LMO2: variants seen among roughly 807,000 people sequenced by gnomAD.
The protein encoded by LMO2 is rhombotin-2.
A neutral mutation model predicts 23.2 loss-of-function variants in LMO2; 20 were observed. The observed-to-expected ratio is 0.86, with a 90% CI of 0.61 to 1.25. The LOEUF is 1.25. Among genes scored for constraint, LMO2 ranks in the 50% most tolerant of loss-of-function variants. LMO2 has a pLI of 0.00. For missense variants in LMO2, 270 were observed against 315.3 expected (o/e 0.86, Z 1.09); for synonymous variants, 123 against 130.2 (o/e 0.94, Z 0.38).
chr11:33,887,729 T>C (rs1284145545), intron 1 of LMO2, among the ~76,000 whole-genome samples: 6 of 152,014 alleles, frequency 3.9e-5, no homozygotes, highest in Non-Finnish European at 8.8e-5. Context: ...TGTTTTGTTT[T>C]TTGTTTGTTT....
Position 33,859,373 on chromosome 11 carries a change from T to C in LMO2, c.667A>G (p.Ile223Val), listed in dbSNP as rs1048794349. The change falls in exon 6 of 6, where the codon ATC becomes GTC. Residue 223 changes from isoleucine to valine, a missense_variant. Ile to Val is a conservative substitution (Grantham distance 29, BLOSUM62 3). Coordinates refer to ENST00000257818, the MANE Select transcript of LMO2 (RefSeq NM_005574.4). ...ACTCGGGCCTATATCATCCCATTGA[T>C]CTTAGTCCACTCGTAGATGTCCTGT... The part of the protein sequence containing the change: ...CEQDIYEWTK[I>V]NGMI 4.3e-6 allele frequency: 7 copies of C among 1,613,692 alleles called. No individual in the cohort carries two copies. Among genetic ancestry groups the C allele is most frequent in the South Asian group, 1.1e-5 (1 of 91,070 alleles).
intron 1 of LMO2, among the ~76,000 whole-genome samples, chr11:33,884,503 C>A (rs895004480): frequency 6.6e-6 from 1 of 152,286 alleles, no homozygotes; most frequent in South Asian, 2.1e-4. Context: ...GCACTCAACT[C>A]AATTTCTTCA....
At chr11:33,867,871 T>C (rs1410782114) in intron 4 of LMO2, among the ~76,000 whole-genome samples, 4 of 152,328 alleles carry the variant, frequency 2.6e-5, no homozygotes, top group Admixed American at 2.0e-4. Flanking sequence ...CAAAAAGGCA[T>C]GAGGCACCAA....
chr11:33,870,207 G>A, intron 2 of LMO2: 1 of 418,030 alleles, frequency 2.4e-6, no homozygotes, highest in South Asian at 9.9e-5. Flanking sequence ...TCCTTGGAAA[G>A]GAGGCTGGGC....
chr11:33,888,354 T>G (rs1185047173), intron 1 of LMO2, among the ~76,000 whole-genome samples: 2 of 152,158 alleles, frequency 1.3e-5, no homozygotes, highest in Non-Finnish European at 2.9e-5. Context: ...ATTTCGCTCC[T>G]CTGCTTGAAG....
At chr11:33,872,286 G>A (rs1162426104) in intron 2 of LMO2, among the ~76,000 whole-genome samples, 1 of 152,064 alleles carries the variant, frequency 6.6e-6, no homozygotes, top group Non-Finnish European at 1.5e-5. Flanking sequence ...GTGAGACTCC[G>A]TCTCAAAATA....
At chr11:33,867,664 T>G (rs562334344) in intron 4 of LMO2, among the ~76,000 whole-genome samples, 1 of 152,204 alleles carries the variant, frequency 6.6e-6, no homozygotes, top group African/African-American at 2.4e-5. Flanking sequence ...TCTGTCTTCG[T>G]TGGGCAAATA....
rs746780279 is a variant in LMO2, at chr11:33,859,328, C to T, written c.*28G>A. The T allele has an allele frequency of 4.6e-5, 72 of 1,556,098 alleles. 1 individual carries two copies. The South Asian group carries it at 7.8e-4, about 17-fold the overall frequency. ...TGGAGACGGCGTCTTCAGTGAACAC[C>T]TCCCCAAAGATGCCCGGGGACTCGG... On this transcript the variant is annotated 3_prime_UTR_variant, in exon 6 of 6. Transcript: ENST00000257818.
At chr11:33,879,495 G>A (rs1433071815) in intron 2 of LMO2, among the ~76,000 whole-genome samples, 1 of 151,776 alleles carries the variant, frequency 6.6e-6, no homozygotes, top group Non-Finnish European at 1.5e-5. Context: ...GGGCGTGATG[G>A]TGTGTGCCTG....
rs868370629 is a variant in LMO2, at chr11:33,869,456, G to A, written c.138C>T (p.Ala46=). 1.2e-5 allele frequency: 14 copies of A among 1,196,908 alleles called. No homozygotes were observed. The South Asian group carries it at 1.2e-4, about 11-fold the overall frequency. The allele number at this position is 1,196,908 out of a possible 1,614,324, so 74.1% of individuals were successfully genotyped here. Residue 46 remains alanine (A), a synonymous_variant, in exon 4 of 6, where the codon GCC becomes GCT. Coordinates refer to ENST00000257818, the MANE Select transcript of LMO2 (RefSeq NM_005574.4). Reference sequence around the variant, plus strand: ...TGGCGCGGGGCTGGCCGGCTGCCGGGGCTCGGACCCCCTCGGGTGCTCGGG... The same window carrying A: ...TGGCGCGGGGCTGGCCGGCTGCCGGAGCTCGGACCCCCTCGGGTGCTCGGG... ...GGARAPEGVR[A]PAAGQPRATK... is the part of the protein sequence containing the mutation.
chr11:33,864,773 G>A lies in LMO2; in HGVS notation c.293C>T (p.Thr98Ile). The change falls in exon 5 of 6, where the codon ACA (threonine) becomes ATA (isoleucine). Residue 98 changes from threonine to isoleucine, a missense_variant. By Grantham distance (89) the Thr-to-Ile change is moderately conservative. Coordinates refer to ENST00000257818, the MANE Select transcript of LMO2 (RefSeq NM_005574.4). This position sits in a 1 kb window ranked among gnomAD's most constrained non-coding sequence, Gnocchi z 4.8. ...EVLQIPPSLL[T>I]CGGCQQNIGD... ...AATGTTCTGCTGGCAGCCGCCGCATGTCAGCAGGGATGGGGGGATCTGCAG... is the reference window on the plus strand; with the variant it reads ...AATGTTCTGCTGGCAGCCGCCGCATATCAGCAGGGATGGGGGGATCTGCAG... The A allele has an allele frequency of 6.2e-7, 1 of 1,613,954 alleles. No homozygotes were observed. The highest frequency in any genetic ancestry group is 1.1e-5 in the South Asian group (1 of 91,084).
At chr11:33,870,516 G>T in intron 2 of LMO2, 1 of 985,248 alleles carries the variant, frequency 1.0e-6, no homozygotes, top group Non-Finnish European at 1.2e-6. Flanking sequence ...CTGCGGCCGC[G>T]CTCTGCAGAG....
chr11:33,865,099 C>T, intron 4 of LMO2: 1 of 492,550 alleles, frequency 2.0e-6, no homozygotes, highest in South Asian at 2.0e-5. Flanking sequence ...TGCCCCTGCC[C>T]ATGCCCAGCA....
Position 33,880,272 on chromosome 11 carries a change from A to ATATGATATATATAT in LMO2, c.-272+1551_-272+1552insATATATATATCATA, listed in dbSNP as rs1565034766. Among the ~76,000 whole-genome samples the ATATGATATATATAT allele has an allele frequency of 3.1e-4, 41 of 133,272 alleles. 1 individual carries two copies. The highest frequency in any genetic ancestry group is 1.3e-3 in the African/African-American group (38 of 28,824). The allele number at this position is 133,272 out of a possible 152,430, so 87.4% of individuals were successfully genotyped here. On this transcript the variant is annotated intron_variant, in intron 2 of 5. Transcript: ENST00000257818. The surrounding 1 kb of genome is among the most constrained non-coding windows in gnomAD (Gnocchi z 4.3). ...CACATGATATATATATCATACATAC[A>ATATGATATATATAT]CATGATATATATCATATATATCATA...
chr11:33,859,235 TC>T lies in LMO2; in HGVS notation c.*120del. 3.0e-6 allele frequency: 2 copies of T among 671,972 alleles called. No homozygotes were observed. Among genetic ancestry groups the T allele is most frequent in the South Asian group, 3.7e-5 (2 of 54,282 alleles). The allele number at this position is 671,972 out of a possible 1,614,324, so 41.6% of individuals were successfully genotyped here. On this transcript the variant is annotated 3_prime_UTR_variant, in exon 6 of 6. Coordinates refer to ENST00000257818, the MANE Select transcript of LMO2 (RefSeq NM_005574.4). ...CTTGATACCCAATAAAGGTCTACCA[TC>T]CCCTAAGAAATCCCTTACCCCACCC...
intron 1 of LMO2, among the ~76,000 whole-genome samples, 172 bp from the exon 2 acceptor site, chr11:33,882,059 G>A (rs748910514): frequency 2.0e-5 from 3 of 152,156 alleles, no homozygotes; most frequent in African/African-American, 7.2e-5. Context: ...CCTTGATAGC[G>A]TGACGGGTGG....
chr11:33,859,141 C>T lies in LMO2; in HGVS notation c.*215G>A, dbSNP rs1186914607. On this transcript the variant is annotated 3_prime_UTR_variant, in exon 6 of 6. Transcript: ENST00000257818. ...TGGATGGGCTGTGGCCATAAGTTCT[C>T]CCTCAAGGGCTGGTCCTTCTGTCAC... The T allele has an allele frequency of 9.4e-6, 5 of 532,922 alleles. No homozygotes were observed. The highest frequency in any genetic ancestry group is 1.7e-5 in the Non-Finnish European group (5 of 293,774). The allele number at this position is 532,922 out of a possible 1,614,324, so 33.0% of individuals were successfully genotyped here.
Position 33,864,589 on chromosome 11 carries a change from C to A in LMO2, c.464+13G>T. 1.2e-6 allele frequency: 2 copies of A among 1,607,388 alleles called. No individual in the cohort carries two copies. The highest frequency in any genetic ancestry group is 1.1e-5 in the South Asian group (1 of 90,614). ...TCCCTTCCGAGGGCCCAGTGGAGTG[C>A]CGGGGAGGGTACCTGAGATAGTCTC... On this transcript the variant is annotated intron_variant, in intron 5 of 5. Coordinates refer to ENST00000257818, the MANE Select transcript of LMO2 (RefSeq NM_005574.4). This position sits in a 1 kb window ranked among gnomAD's most constrained non-coding sequence, Gnocchi z 4.8.
chr11:33,882,095 C>T (rs1000419347), intron 1 of LMO2, among the ~76,000 whole-genome samples: 4 of 152,164 alleles, frequency 2.6e-5, no homozygotes, highest in East Asian at 1.9e-4. Context: ...GGCATCAGGG[C>T]GCAGGGATGG....
Sources: gnomAD v4.1 joint callset for allele counts (sites outside exome capture counted in the v4.1 genomes callset) on GRCh38, gnomAD v4.1.1 for gene constraint, Gnocchi (gnomAD v3.1) non-coding constraint, MANE v1.5 for transcripts, NCBI Gene and HGNC (gene_info 2026-07-23, HGNC 2026-07-21) for gene names.